Variants in DOCK1 observed in about 807,000 individuals in gnomAD.
DOCK1 encodes the protein dedicator of cytokinesis 1.
Under a neutral mutation model 262.7 loss-of-function variants are expected in DOCK1, and 138 were observed. The observed-to-expected ratio is 0.53, with a 90% CI of 0.46 to 0.61. The LOEUF is 0.61. DOCK1 is among the 20% of genes least tolerant of loss of function. DOCK1 has a pLI of 0.00. For synonymous variants in DOCK1, 866 were observed against 867.4 expected (o/e 1.00, Z 0.03); for missense variants, 1,908 against 2,370.7 (o/e 0.80, Z 4.05).
At chr10:126,974,690 C>T (rs919802648) in intron 2 of DOCK1, among the ~76,000 whole-genome samples, 1 of 152,114 alleles carries the variant, frequency 6.6e-6, no homozygotes, top group Non-Finnish European at 1.5e-5. Flanking sequence ...TCCTTCATGC[C>T]GAACTCTGTC....
At chr10:127,090,261 G>A (rs532891047) in intron 23 of DOCK1, among the ~76,000 whole-genome samples, 1 of 152,252 alleles carries the variant, frequency 6.6e-6, no homozygotes, top group Admixed American at 6.5e-5. Flanking sequence ...CATTAAGAAG[G>A]TGACTAATTT....
chr10:127,427,060 G>A (rs1390390314), intron 47 of DOCK1, among the ~76,000 whole-genome samples: 3 of 152,118 alleles, frequency 2.0e-5, no homozygotes, highest in Admixed American at 6.5e-5. Context: ...CTGCCTGCTC[G>A]GGAACTGTGG....
intron 3 of DOCK1, among the ~76,000 whole-genome samples, chr10:126,980,292 A>G (rs2038861894): frequency 1.3e-5 from 2 of 152,086 alleles, no homozygotes; most frequent in African/African-American, 4.8e-5. Context: ...CCTGGGCTCA[A>G]GGTATTCTCC....
At chr10:127,111,351 C>G (rs958027648) in intron 25 of DOCK1, among the ~76,000 whole-genome samples, 3 of 152,192 alleles carry the variant, frequency 2.0e-5, no homozygotes, top group Non-Finnish European at 4.4e-5. Flanking sequence ...AAAAACACAT[C>G]AAACCAAGAA....
At chr10:127,345,451 G>A (rs917556138) in intron 31 of DOCK1, among the ~76,000 whole-genome samples, 2 of 152,132 alleles carry the variant, frequency 1.3e-5, no homozygotes, top group African/African-American at 4.8e-5. Flanking sequence ...TTTCACCTGG[G>A]CTGCTTTTAG....
intron 29 of DOCK1, among the ~76,000 whole-genome samples, chr10:127,267,008 A>G (rs1341592233): frequency 6.6e-6 from 1 of 152,166 alleles, no homozygotes; most frequent in Non-Finnish European, 1.5e-5. Context: ...GGCCATTGTG[A>G]TGCATCAGGA....
intron 45 of DOCK1, among the ~76,000 whole-genome samples, chr10:127,419,431 C>G (rs2068363259): frequency 6.6e-6 from 1 of 152,186 alleles, no homozygotes; most frequent in Non-Finnish European, 1.5e-5. Flanking sequence ...CCTTCCTGGA[C>G]CCCAAGAACT....
chr10:127,236,986 A>G (rs1028195624), intron 27 of DOCK1, among the ~76,000 whole-genome samples: 3 of 152,138 alleles, frequency 2.0e-5, no homozygotes, highest in Admixed American at 1.3e-4. Flanking sequence ...ATTATTCCAA[A>G]TTGTCTGCCT....
chr10:127,424,260 C>T (rs533836141), intron 46 of DOCK1, among the ~76,000 whole-genome samples: 95 of 152,292 alleles, frequency 6.2e-4, no homozygotes, highest in African/African-American at 2.2e-3. Context: ...AATTCTCACA[C>T]CTGGTAAATT....
chr10:127,362,015 A>C (rs923528231), intron 32 of DOCK1, 49 bp from the exon 33 acceptor site: 4 of 1,530,724 alleles, frequency 2.6e-6, no homozygotes, highest in African/African-American at 2.8e-5. Context: ...AGCCCATTTT[A>C]GAATTCTATT....
intron 8 of DOCK1, 149 bp from the exon 9 acceptor site, chr10:126,999,205 T>G (rs987905761): frequency 1.7e-6 from 1 of 588,278 alleles, no homozygotes; most frequent in Non-Finnish European, 2.9e-6. Flanking sequence ...AATTGATGAG[T>G]AGCTGTATGT....
At chr10:127,441,430 A>T (rs2070124355) in intron 49 of DOCK1, among the ~76,000 whole-genome samples, 2 of 152,180 alleles carry the variant, frequency 1.3e-5, no homozygotes, top group Admixed American at 1.3e-4. Context: ...ACCTTCCAGC[A>T]CCAGGAGGCG....
intron 27 of DOCK1, among the ~76,000 whole-genome samples, chr10:127,190,874 C>T: frequency 6.6e-6 from 1 of 151,936 alleles, no homozygotes; most frequent in East Asian, 1.9e-4. Flanking sequence ...TCATCTGTGA[C>T]ACCTTCTCAA....
At chr10:126,997,305 C>G (rs924116585) in intron 7 of DOCK1, among the ~76,000 whole-genome samples, 1 of 152,074 alleles carries the variant, frequency 6.6e-6, no homozygotes, top group African/African-American at 2.4e-5. Flanking sequence ...TCTCGCCTTA[C>G]TATAAAGAAG....
chr10:127,247,941 A>T, intron 27 of DOCK1, 67 bp from the exon 28 acceptor site: 1 of 1,490,660 alleles, frequency 6.7e-7, no homozygotes, highest in Non-Finnish European at 9.3e-7. Context: ...AGAATCTGGG[A>T]TGATTTCGGC....
At chr10:127,137,866 G>T in intron 27 of DOCK1, 2 of 1,614,086 alleles carry the variant, frequency 1.2e-6, no homozygotes, top group Non-Finnish European at 1.7e-6. Flanking sequence ...CATCTTCCGT[G>T]CTTTTTAGAT....
intron 33 of DOCK1, among the ~76,000 whole-genome samples, chr10:127,368,730 C>T (rs1329372916): frequency 2.0e-5 from 3 of 152,122 alleles, no homozygotes; most frequent in African/African-American, 7.2e-5. Context: ...CCCTGCCTCA[C>T]CAAGAACCCT....
At chr10:127,078,756 A>G (rs1281534008) in intron 23 of DOCK1, among the ~76,000 whole-genome samples, 1 of 152,204 alleles carries the variant, frequency 6.6e-6, no homozygotes, top group East Asian at 1.9e-4. Flanking sequence ...TAGCCATAAA[A>G]AGGAATGAAT....
chr10:127,362,877 A>ACACATG (rs1290341744), intron 33 of DOCK1, among the ~76,000 whole-genome samples: 713 of 54,290 alleles, frequency 0.013, 36 homozygotes, highest in African/African-American at 0.034. Context: ...ACACACACAT[A>ACACATG]CACATCCCCA....
Sources: allele counts gnomAD v4.1 joint callset (sites outside exome capture counted in the v4.1 genomes callset), GRCh38; gene constraint gnomAD v4.1.1; transcripts MANE v1.5; gene names NCBI Gene and HGNC (gene_info 2026-07-23, HGNC 2026-07-21).